DTX3L: variants seen among roughly 807,000 people sequenced by gnomAD.
DTX3L encodes the protein deltex E3 ubiquitin ligase 3L, also known as E3 ubiquitin-protein ligase DTX3L.
Under a neutral mutation model 60.9 loss-of-function variants are expected in DTX3L, and 34 were observed. That is an observed-to-expected ratio of 0.56 (90% CI 0.42 to 0.74). The LOEUF (loss-of-function observed/expected upper bound fraction) is 0.74, where lower values mean the gene tolerates loss of function less well. DTX3L is among the 30% of genes least tolerant of loss of function. DTX3L has a pLI of 0.00. For missense variants in DTX3L, 810 were observed against 874.0 expected, an observed-to-expected ratio of 0.93 and a Z score of 0.92; for synonymous variants, 290 against 316.6, an observed-to-expected ratio of 0.92 and a Z score of 0.89.
Position 122,569,431 on chromosome 3 carries a change from TTGA to T in DTX3L, c.1346_1348del (p.Met449del). 1 of 1,614,192 alleles carries T rather than the reference TTGA, an allele frequency of 6.2e-7. No individual in the cohort carries two copies. Among genetic ancestry groups the T allele is most frequent in the Non-Finnish European group, 8.5e-7 (1 of 1,180,034 alleles). On this transcript the variant is annotated inframe_deletion, in exon 3 of 5. Transcript: ENST00000296161. ...TGCCTTTCAACATGCCTCATGTCAG[TTGA>T]TGAGAGAAGTTCTTTTACTGAAGTC...
chr3:122,569,794 A>G lies in DTX3L; in HGVS notation c.1705A>G (p.Ser569Gly). 6.2e-7 allele frequency: 1 copy of G among 1,614,216 alleles called. No individual in the cohort carries two copies. Among genetic ancestry groups the G allele is most frequent in the Non-Finnish European group, 8.5e-7 (1 of 1,180,048 alleles). ...CTGTGTCATCTGTATGGACACCATT[A>G]GTAACAAAAAAGTGCTACCAAAGTG... is the stretch of plus-strand genomic sequence containing the variant. ...GICVICMDTI[S>G]NKKVLPKCKH... is the part of the protein sequence containing the mutation. Residue 569 changes from serine to glycine, a missense_variant, in exon 3 of 5, where the codon AGT becomes GGT. By Grantham distance (56) the Ser-to-Gly change is moderately conservative. Transcript: ENST00000296161.
At position 122,564,496 on chromosome 3, in the gene DTX3L, A is replaced by C. The variant is rs768743276; in HGVS notation, c.70A>C (p.Arg24=). 1 of 1,612,828 alleles carries C rather than the reference A, an allele frequency of 6.2e-7. No individual in the cohort carries two copies. Among genetic ancestry groups the C allele is most frequent in the African/African-American group, 1.3e-5 (1 of 74,868 alleles). Residue 24 remains arginine (R), a synonymous_variant, in exon 1 of 5, where the codon AGG becomes CGG. Coordinates refer to ENST00000296161, the MANE Select transcript of DTX3L (RefSeq NM_138287.3). ...GTACAAGTCCGGCCCCCGAGTACGA[A>C]GGAAGCTGGAGAGCTACTTCCAGAG... ...RVYKSGPRVR[R]KLESYFQSSK... is the part of the protein sequence containing the mutation.
Position 122,569,204 on chromosome 3 carries a change from A to G in DTX3L, c.1115A>G (p.Asn372Ser), listed in dbSNP as rs1197611549. 1 of 1,614,242 alleles carries G rather than the reference A, an allele frequency of 6.2e-7. No homozygotes were observed. The highest frequency in any genetic ancestry group is 2.2e-5 in the East Asian group (1 of 44,890). ...ATACCTGTGAAACTATTTGCTGCCAATTACATGATGAATGTAATTGAGGTT... is the reference window on the plus strand; with the variant it reads ...ATACCTGTGAAACTATTTGCTGCCAGTTACATGATGAATGTAATTGAGGTT... ...VKIPVKLFAANYMMNVIEVDS... is the reference protein window; with the variant it reads ...VKIPVKLFAASYMMNVIEVDS... The change falls in exon 3 of 5, where the codon AAT becomes AGT. Residue 372 changes from asparagine (N) to serine (S), a missense_variant. Physicochemically the swap from Asn to Ser is conservative, Grantham distance 46. Transcript: ENST00000296161.
chr3:122,568,115 G>A (rs1265998632), intron 2 of DTX3L, among the ~76,000 whole-genome samples: 1 of 152,188 alleles, frequency 6.6e-6, no homozygotes, highest in African/African-American at 2.4e-5. Flanking sequence ...TTCCAGGCTA[G>A]CCTGACCAAC....
chr3:122,574,323 C>T lies in DTX3L; in HGVS notation c.*2576C>T, dbSNP rs1356502633. 2.0e-5 allele frequency: 3 copies of T among 152,124 alleles called. No individual in the cohort carries two copies. The highest frequency in any genetic ancestry group is 2.9e-5 in the Non-Finnish European group (2 of 68,028). 9.4% of individuals were successfully genotyped at this position (152,124 alleles called of 1,614,324 possible). A position where few individuals can be genotyped will look rare whatever the true frequency, so the allele number is the denominator to read the frequency against. Reference sequence around the variant, plus strand: ...ACAGAAAAAAGGTGAAATAAGCCTACTATAAGGAATATATGACATGCTAAA... The same window carrying T: ...ACAGAAAAAAGGTGAAATAAGCCTATTATAAGGAATATATGACATGCTAAA... On this transcript the variant is annotated 3_prime_UTR_variant, in exon 5 of 5. Coordinates refer to ENST00000296161, the MANE Select transcript of DTX3L (RefSeq NM_138287.3).
Position 122,565,915 on chromosome 3 carries a change from G to A in DTX3L, c.244G>A (p.Val82Met), listed in dbSNP as rs201015334. The A allele has an allele frequency of 7.5e-5, 121 of 1,614,018 alleles. No homozygotes were observed. The highest frequency in any genetic ancestry group is 8.7e-5 in the Non-Finnish European group (103 of 1,180,044). The change falls in exon 2 of 5, where the codon GTG becomes ATG. Residue 82 changes from valine (V) to methionine (M), a missense_variant. Val to Met is a conservative substitution (Grantham distance 21). Transcript: ENST00000296161. ...EHQILVDEKP[V>M]PIFLVPTENS... ...CCAAATACTTGTTGACGAAAAACCT[G>A]TGCCCATTTTCCTGGTACCCACTGA...
intron 2 of DTX3L, 122 bp downstream of exon 2, chr3:122,566,192 C>A: frequency 2.5e-6 from 2 of 794,690 alleles, no homozygotes; most frequent in Non-Finnish European, 4.0e-6. Flanking sequence ...CTGTTTTAGG[C>A]ACTGGACACA....
intron 3 of DTX3L, 123 bp from the exon 4 acceptor site, chr3:122,570,332 G>A (rs1275496436): frequency 3.1e-6 from 3 of 980,166 alleles, no homozygotes; most frequent in African/African-American, 1.6e-5. Flanking sequence ...TTGGGAATAT[G>A]AGCATAACTT....
At chr3:122,566,983 C>A (rs888571247) in intron 2 of DTX3L, among the ~76,000 whole-genome samples, 5 of 152,284 alleles carry the variant, frequency 3.3e-5, no homozygotes, top group Non-Finnish European at 5.9e-5. Flanking sequence ...TCTGGAAAAA[C>A]CTCAAGTGAG....
At chr3:122,568,003 G>A (rs569863022) in intron 2 of DTX3L, among the ~76,000 whole-genome samples, 113 of 152,296 alleles carry the variant, frequency 7.4e-4, no homozygotes, top group African/African-American at 2.6e-3. Flanking sequence ...GATGTAGCGT[G>A]CTGTATCCTC....
At chr3:122,570,052 C>G in intron 3 of DTX3L, 28 bp downstream of exon 3, 1 of 1,607,240 alleles carries the variant, frequency 6.2e-7, no homozygotes, top group Non-Finnish European at 8.5e-7. Flanking sequence ...CCATGGGTTT[C>G]TTGCCACTAT....
chr3:122,564,729 G>A, intron 1 of DTX3L, 116 bp downstream of exon 1: 1 of 1,295,968 alleles, frequency 7.7e-7, no homozygotes, highest in South Asian at 1.5e-5. Flanking sequence ...ATGTCACTGT[G>A]CGGTGGCGGA....
chr3:122,568,310 GAAATAAATAAATAAATAAATAAATAAAT>G (rs10561562), intron 2 of DTX3L, among the ~76,000 whole-genome samples, 151 bp from the exon 3 acceptor site: 5 of 148,332 alleles, frequency 3.4e-5, no homozygotes, highest in Non-Finnish European at 7.4e-5. Context: ...ACTCCATCTT[GAAATAAATAAATAAATAAATAAATAAAT>G]AAATAAATAA....
In DTX3L at chr3:122,571,840, G is replaced by T; in HGVS notation, c.*93G>T. ...CCAGTCTAAATCCTTATGTAGAAAGGACTTTGAAATTTTTCTTCTCAAGAA... is the reference window on the plus strand; with the variant it reads ...CCAGTCTAAATCCTTATGTAGAAAGTACTTTGAAATTTTTCTTCTCAAGAA... On this transcript the variant is annotated 3_prime_UTR_variant, in exon 5 of 5. Coordinates refer to ENST00000296161, the MANE Select transcript of DTX3L (RefSeq NM_138287.3). 1 of 1,090,028 alleles carries T rather than the reference G, an allele frequency of 9.2e-7. No individual in the cohort carries two copies. The highest frequency in any genetic ancestry group is 2.6e-5 in the East Asian group (1 of 38,122). 67.5% of individuals were successfully genotyped at this position (1,090,028 alleles called of 1,614,324 possible).
rs902314722 is a variant in DTX3L at position 122,572,312 on chromosome 3, T to G, written c.*565T>G. 6.6e-6 allele frequency: 1 copy of G among 152,258 alleles called. No individual in the cohort carries two copies. The highest frequency in any genetic ancestry group is 2.4e-5 in the African/African-American group (1 of 41,438). The allele number at this position is 152,258 out of a possible 1,614,324, so 9.4% of individuals were successfully genotyped here. ...CTTGTGTCATCACTGGGGTTAGAGG[T>G]GGGTCCGAAATAATCTTCTGTGTCC... On this transcript the variant is annotated 3_prime_UTR_variant, in exon 5 of 5. Coordinates refer to ENST00000296161, the MANE Select transcript of DTX3L (RefSeq NM_138287.3).
Position 122,571,806 on chromosome 3 carries a change from G to T in DTX3L, c.*59G>T. The T allele has an allele frequency of 7.1e-7, 1 of 1,413,106 alleles. No individual in the cohort carries two copies. Among genetic ancestry groups the T allele is most frequent in the South Asian group, 1.3e-5 (1 of 79,830 alleles). The allele number at this position is 1,413,106 out of a possible 1,614,324, so 87.5% of individuals were successfully genotyped here. On this transcript the variant is annotated 3_prime_UTR_variant, in exon 5 of 5. Transcript: ENST00000296161. ...TCAAAAAAATATATTTTAGGAGGCT[G>T]ATTTAATGCCAGTCTAAATCCTTAT...
At chr3:122,568,460 A>G in intron 2 of DTX3L, 29 bp from the exon 3 acceptor site, 1 of 1,544,008 alleles carries the variant, frequency 6.5e-7, no homozygotes, top group South Asian at 1.3e-5. Context: ...GAGAGGTTTT[A>G]TTTGTTCCTG....
intron 2 of DTX3L, among the ~76,000 whole-genome samples, chr3:122,566,683 A>G (rs1306106692): frequency 1.3e-5 from 2 of 152,128 alleles, no homozygotes; most frequent in East Asian, 3.9e-4. Flanking sequence ...TCTAACCAGA[A>G]ATCAGAGACA....
chr3:122,575,040 T>G lies in DTX3L; in HGVS notation c.*3293T>G, dbSNP rs2080673071. 1 of 152,218 alleles carries G rather than the reference T, an allele frequency of 6.6e-6. No homozygotes were observed. The highest frequency in any genetic ancestry group is 1.5e-5 in the Non-Finnish European group (1 of 68,040). The allele number at this position is 152,218 out of a possible 1,614,324, so 9.4% of individuals were successfully genotyped here. ...AAATTTGTTCCAAAGAAGCAAAAGT[T>G]TGGTTTCTACTAAGTTCTGGATTCT... On this transcript the variant is annotated 3_prime_UTR_variant, in exon 5 of 5. Coordinates refer to ENST00000296161, the MANE Select transcript of DTX3L (RefSeq NM_138287.3).
Sources: gnomAD v4.1 joint callset for allele counts (sites outside exome capture counted in the v4.1 genomes callset) on GRCh38, gnomAD v4.1.1 for gene constraint, MANE v1.5 for transcripts, NCBI Gene and HGNC (gene_info 2026-07-23, HGNC 2026-07-21) for gene names.